The following EIF2A variants were observed in gnomAD, a reference collection of about 807,000 sequenced individuals.
EIF2A encodes eukaryotic translation initiation factor 2A.
Under a neutral mutation model 75.2 loss-of-function variants are expected in EIF2A, and 62 were observed. The observed-to-expected ratio is 0.82, with a 90% confidence interval of 0.67 to 1.02. The LOEUF is 1.02. Ranked by LOEUF, EIF2A falls within the 50% of genes least tolerant of loss-of-function variation. The pLI, the probability that EIF2A is intolerant of heterozygous loss-of-function variation, is 0.00. For synonymous variants in EIF2A, 207 were observed against 239.0 expected (o/e 0.87, Z 1.23); for missense variants, 611 against 677.7 (o/e 0.90, Z 1.09).
rs1026090673 is a variant in EIF2A at position 150,552,587 on chromosome 3, G to T, written c.98+162G>T. The T allele has an allele frequency of 1.8e-5, 10 of 556,044 alleles. No homozygotes were observed. The African/African-American group carries it at 1.9e-4, about 11-fold the overall frequency. 34.4% of individuals were successfully genotyped at this position (556,044 alleles called of 1,614,324 possible). A position where few individuals can be genotyped will look rare whatever the true frequency, so the allele number is the denominator to read the frequency against. On this transcript the variant is annotated intron_variant, in intron 2 of 13. Coordinates refer to ENST00000460851, the MANE Select transcript of EIF2A (RefSeq NM_032025.5). ...GAAAAGAATACATATTCTCTATCAAGGAAAATGATCTTCAGATCTGAAAAT... is the reference window on the plus strand; with the variant it reads ...GAAAAGAATACATATTCTCTATCAATGAAAATGATCTTCAGATCTGAAAAT...
At chr3:150,564,228 T>TTAACATG (rs1283572219) in intron 5 of EIF2A, 71 bp from the exon 6 acceptor site, 3 of 1,181,502 alleles carry the variant, frequency 2.5e-6, no homozygotes, top group Non-Finnish European at 3.5e-6. Flanking sequence ...ATAAATTACT[T>TTAACATG]TAACATGTTA....
At chr3:150,572,626 G>T in intron 10 of EIF2A, 97 bp downstream of exon 10, 2 of 1,210,914 alleles carry the variant, frequency 1.7e-6, no homozygotes, top group East Asian at 2.4e-5. Context: ...AGGCCGAGGC[G>T]GGAGGATCAC....
At position 150,585,669 on chromosome 3, in the gene EIF2A, A is replaced by G. The variant is rs1377516449; in HGVS notation, c.*1758A>G. ...TTAGGTAATACATAATGCCTAATAC[A>G]TAACTAATATATGGACAGGAAGTTA... On this transcript the variant is annotated 3_prime_UTR_variant, in exon 14 of 14. Coordinates refer to ENST00000460851, the MANE Select transcript of EIF2A (RefSeq NM_032025.5). 6.6e-6 allele frequency among the ~76,000 whole-genome samples: 1 copy of G among 152,246 alleles called. No individual in the cohort carries two copies. The highest frequency in any genetic ancestry group is 1.5e-5 in the Non-Finnish European group (1 of 68,046).
intron 10 of EIF2A, among the ~76,000 whole-genome samples, chr3:150,574,277 GA>G: frequency 6.6e-6 from 1 of 152,210 alleles, no homozygotes; most frequent in Admixed American, 6.5e-5. Context: ...ACCAAAACCA[GA>G]AAAAACTCAT....
chr3:150,559,697 G>C (rs1458358081), intron 3 of EIF2A, among the ~76,000 whole-genome samples: 2 of 151,926 alleles, frequency 1.3e-5, no homozygotes, highest in Non-Finnish European at 2.9e-5. Flanking sequence ...CACCATGTTG[G>C]TCAGGCTGGT....
chr3:150,562,169 T>G (rs1004335067), intron 3 of EIF2A, among the ~76,000 whole-genome samples: 2 of 151,162 alleles, frequency 1.3e-5, no homozygotes, highest in East Asian at 2.0e-4. Flanking sequence ...ACGCCTGTAA[T>G]CCCAGCACTT....
chr3:150,564,400 C>T lies in EIF2A; in HGVS notation c.475+19C>T. ...AATTTTAGTATGGAAAGATTTATGA[C>T]ATAATTTTATTACTTACTGTAATCG... On this transcript the variant is annotated intron_variant, in intron 6 of 13. Transcript: ENST00000460851. 6.4e-7 allele frequency: 1 copy of T among 1,555,570 alleles called. No homozygotes were observed. Among genetic ancestry groups the T allele is most frequent in the Non-Finnish European group, 8.7e-7 (1 of 1,150,974 alleles).
intron 3 of EIF2A, 67 bp from the exon 4 acceptor site, chr3:150,562,475 T>C: frequency 8.4e-7 from 1 of 1,196,666 alleles, no homozygotes; most frequent in Non-Finnish European, 1.2e-6. Context: ...GAGGTATGAA[T>C]GTTTTGGTTA....
Position 150,546,827 on chromosome 3 carries a change from A to G in EIF2A, c.25A>G (p.Thr9Ala), listed in dbSNP as rs760859545. The G allele has an allele frequency of 6.2e-7, 1 of 1,612,446 alleles. No individual in the cohort carries two copies. Among genetic ancestry groups the G allele is most frequent in the South Asian group, 1.1e-5 (1 of 91,032 alleles). ...CATGGCGCCGTCCACGCCGCTCTTG[A>G]CAGGTGAGTTCTGAAGAAGCGAGGG... Reference protein sequence around the residue: MAPSTPLLTVRGSEGLYMV... With the variant: MAPSTPLLAVRGSEGLYMV... The change falls in exon 1 of 14, where the codon ACA (threonine) becomes GCA (alanine). Residue 9 changes from threonine (T) to alanine (A), a missense_variant. Transcript: ENST00000460851.
At chr3:150,577,837 G>A (rs764974261) in intron 11 of EIF2A, among the ~76,000 whole-genome samples, 5 of 152,096 alleles carry the variant, frequency 3.3e-5, no homozygotes, top group Non-Finnish European at 7.3e-5. Context: ...ACTATTTTAA[G>A]GTATAGAATT....
chr3:150,563,893 C>T (rs531228733), intron 5 of EIF2A, among the ~76,000 whole-genome samples: 22 of 152,290 alleles, frequency 1.4e-4, no homozygotes, highest in Non-Finnish European at 2.5e-4. Flanking sequence ...TCTTGGCTCA[C>T]GGCAACCTCT....
rs1214369521 is a variant in EIF2A, at chr3:150,558,375, T to TG, written c.99-13_99-12insG. On this transcript the variant is annotated splice_polypyrimidine_tract_variant and intron_variant, in intron 2 of 13. Transcript: ENST00000460851. ...GCTTATTCATTTAAACCTTTTTTTT[T>TG]TGTCATTTTCAGGGAATCTGGGAAG... 2.7e-6 allele frequency: 4 copies of TG among 1,502,356 alleles called. No homozygotes were observed. The highest frequency in any genetic ancestry group is 3.5e-6 in the Non-Finnish European group (4 of 1,133,034). 93.1% of individuals were successfully genotyped at this position (1,502,356 alleles called of 1,614,324 possible).
At chr3:150,562,759 A>C (rs1470339618) in intron 4 of EIF2A, 99 bp downstream of exon 4, 7 of 801,704 alleles carry the variant, frequency 8.7e-6, no homozygotes, top group Non-Finnish European at 1.4e-5. Flanking sequence ...GAAAGTAATT[A>C]GTCTTTATGA....
At chr3:150,553,405 C>T (rs1723413471) in intron 2 of EIF2A, among the ~76,000 whole-genome samples, 1 of 151,770 alleles carries the variant, frequency 6.6e-6, no homozygotes, top group Non-Finnish European at 1.5e-5. Flanking sequence ...CATGTGAAGA[C>T]CTGCAAAATT....
At chr3:150,575,787 C>T in intron 11 of EIF2A, 25 bp downstream of exon 11, 2 of 1,582,044 alleles carry the variant, frequency 1.3e-6, no homozygotes, top group Non-Finnish European at 1.7e-6. Flanking sequence ...AATCTCATAA[C>T]AAAACAAATA....
At chr3:150,578,789 A>G (rs1158383001) in intron 11 of EIF2A, among the ~76,000 whole-genome samples, 3 of 152,210 alleles carry the variant, frequency 2.0e-5, no homozygotes, top group Non-Finnish European at 4.4e-5. Flanking sequence ...ACAAAGCTAA[A>G]TGGCCCTTGA....
chr3:150,570,694 G>A (rs1273020473), intron 9 of EIF2A, among the ~76,000 whole-genome samples: 1 of 152,126 alleles, frequency 6.6e-6, no homozygotes, highest in African/African-American at 2.4e-5. Flanking sequence ...TCACTTAGTA[G>A]GCTGATGAAG....
intron 9 of EIF2A, among the ~76,000 whole-genome samples, chr3:150,570,945 A>G (rs1346105184): frequency 1.3e-5 from 2 of 151,934 alleles, no homozygotes; most frequent in Non-Finnish European, 2.9e-5. Context: ...TCATGCCTGT[A>G]ATCCCAGCTA....
At chr3:150,578,614 T>A (rs1159339413) in intron 11 of EIF2A, among the ~76,000 whole-genome samples, 1 of 152,164 alleles carries the variant, frequency 6.6e-6, no homozygotes, top group Non-Finnish European at 1.5e-5. Flanking sequence ...CGTTTTTTAC[T>A]AAAGATGATA....
Sources: allele counts gnomAD v4.1 joint callset (sites outside exome capture counted in the v4.1 genomes callset), GRCh38; gene constraint gnomAD v4.1.1; transcripts MANE v1.5; gene names NCBI Gene and HGNC (gene_info 2026-07-23, HGNC 2026-07-21).